RPRD1B: variants seen among roughly 807,000 people sequenced by gnomAD.
The protein encoded by RPRD1B is regulation of nuclear pre-mRNA domain-containing protein 1B.
Under a neutral mutation model 41.5 loss-of-function variants are expected in RPRD1B, and 11 were observed. That is an observed-to-expected ratio of 0.27 (90% CI 0.17 to 0.44). The LOEUF (loss-of-function observed/expected upper bound fraction) is 0.44, where lower values mean the gene tolerates loss of function less well. Ranked by LOEUF, RPRD1B falls within the 20% of genes least tolerant of loss-of-function variation. RPRD1B has a pLI of 1.00. For synonymous variants in RPRD1B, 158 were observed against 155.6 expected, an observed-to-expected ratio of 1.02 and a Z score of -0.12; for missense variants, 248 against 389.9, an observed-to-expected ratio of 0.64 and a Z score of 3.06.
At chr20:38,059,803 T>G (rs1049228316) in intron 5 of RPRD1B, among the ~76,000 whole-genome samples, 3 of 152,136 alleles carry the variant, frequency 2.0e-5, no homozygotes, top group Non-Finnish European at 4.4e-5. Context: ...ACAAATTGTG[T>G]GCGTGTGGGG....
At chr20:38,083,207 TA>T (rs997570464) in intron 6 of RPRD1B, among the ~76,000 whole-genome samples, 14 of 149,592 alleles carry the variant, frequency 9.4e-5, no homozygotes, top group African/African-American at 2.4e-4. Flanking sequence ...TGGTTTACTT[TA>T]AAAAAAAAAC....
chr20:38,065,980 G>A, intron 5 of RPRD1B, 101 bp from the exon 6 acceptor site: 3 of 1,166,204 alleles, frequency 2.6e-6, no homozygotes, highest in Non-Finnish European at 3.7e-6. Context: ...CTCAGACTCT[G>A]TATATTGGGA....
intron 3 of RPRD1B, among the ~76,000 whole-genome samples, chr20:38,053,331 A>AT (rs1186651968): frequency 6.6e-6 from 1 of 152,218 alleles, no homozygotes; most frequent in African/African-American, 2.4e-5. Context: ...ACCAGGCACT[A>AT]TAACTGCTGA....
intron 6 of RPRD1B, among the ~76,000 whole-genome samples, chr20:38,077,463 C>T (rs902604202): frequency 4.6e-5 from 7 of 152,082 alleles, no homozygotes; most frequent in African/African-American, 1.2e-4. Context: ...GACACTAGGC[C>T]TCATCCAGTG....
In RPRD1B at chr20:38,090,586, A is replaced by G. The variant is rs1297441961; in HGVS notation, c.*711A>G. On this transcript the variant is annotated 3_prime_UTR_variant, in exon 7 of 7. Coordinates refer to ENST00000373433, the MANE Select transcript of RPRD1B (RefSeq NM_021215.4). ...AATTAAAAGGAATTTATTTGCTTCA[A>G]GTTCCTAGATACAACCTTCCCATGC... The G allele has an allele frequency of 1.9e-5, 19 of 985,654 alleles. No homozygotes were observed. The highest frequency in any genetic ancestry group is 1.0e-3 in the Middle Eastern group (2 of 1,912). 61.1% of individuals were successfully genotyped at this position (985,654 alleles called of 1,614,324 possible).
At chr20:38,035,153 A>G (rs2073986281) in intron 1 of RPRD1B, among the ~76,000 whole-genome samples, 1 of 152,210 alleles carries the variant, frequency 6.6e-6, no homozygotes, top group Non-Finnish European at 1.5e-5. Context: ...GTAGGCATTC[A>G]GCAGATTATG....
chr20:38,077,294 C>G (rs888387518), intron 6 of RPRD1B, among the ~76,000 whole-genome samples: 1 of 152,140 alleles, frequency 6.6e-6, no homozygotes, highest in Non-Finnish European at 1.5e-5. Context: ...ACCTCTAGAT[C>G]TCTAGGTCAG....
chr20:38,055,469 G>A (rs1247634097), intron 3 of RPRD1B, among the ~76,000 whole-genome samples: 3 of 149,366 alleles, frequency 2.0e-5, no homozygotes, highest in Admixed American at 6.6e-5. Context: ...TTTTGTTAGC[G>A]TCTCTTCCTC....
chr20:38,053,414 G>T (rs1455123743), intron 3 of RPRD1B, among the ~76,000 whole-genome samples: 1 of 152,138 alleles, frequency 6.6e-6, no homozygotes, highest in Admixed American at 6.5e-5. Context: ...CCCTTCAAGC[G>T]GTTTCAAACT....
At chr20:38,060,642 A>C (rs1007954802) in intron 5 of RPRD1B, among the ~76,000 whole-genome samples, 2 of 152,158 alleles carry the variant, frequency 1.3e-5, no homozygotes, top group East Asian at 3.8e-4. Context: ...GAAGCAGCAC[A>C]GGGAAAGACC....
At chr20:38,078,239 G>C (rs1298761764) in intron 6 of RPRD1B, among the ~76,000 whole-genome samples, 1 of 151,154 alleles carries the variant, frequency 6.6e-6, no homozygotes, top group Non-Finnish European at 1.5e-5. Flanking sequence ...CTTGGCCCCT[G>C]CTGACTTCCT....
intron 1 of RPRD1B, among the ~76,000 whole-genome samples, chr20:38,038,485 GTTTTGTTTTTTTTTT>G (rs2074027296): frequency 1.2e-5 from 1 of 83,120 alleles, no homozygotes; most frequent in Non-Finnish European, 2.4e-5. Context: ...GATTTTTTTT[GTTTTGTTTTTTTTTT>G]TTTTTTTTTT....
At chr20:38,062,912 G>A (rs543243152) in intron 5 of RPRD1B, among the ~76,000 whole-genome samples, 2 of 132,084 alleles carry the variant, frequency 1.5e-5, no homozygotes, top group East Asian at 2.3e-4. Flanking sequence ...TTAGCTCATT[G>A]TAACCTCAAA....
At chr20:38,060,778 C>T (rs1422219150) in intron 5 of RPRD1B, among the ~76,000 whole-genome samples, 3 of 152,160 alleles carry the variant, frequency 2.0e-5, no homozygotes, top group African/African-American at 7.2e-5. Flanking sequence ...CCTGCAGTCT[C>T]TTGATTCCTC....
chr20:38,089,170 G>A lies in RPRD1B; in HGVS notation c.832-556G>A, dbSNP rs374855022. 4.7e-4 allele frequency among the ~76,000 whole-genome samples: 71 copies of A among 152,294 alleles called. 1 individual carries two copies. In the South Asian group the frequency reaches 0.012, roughly 25 times the overall value. ...TTTTAGGAGCCCTAGGGGTCAGGAG[G>A]CCTAACCAGGGACTTACTGCAGTGA... On this transcript the variant is annotated intron_variant, in intron 6 of 6. Coordinates refer to ENST00000373433, the MANE Select transcript of RPRD1B (RefSeq NM_021215.4).
chr20:38,062,995 G>A (rs2074315671), intron 5 of RPRD1B, among the ~76,000 whole-genome samples: 1 of 151,896 alleles, frequency 6.6e-6, no homozygotes, highest in African/African-American at 2.4e-5. Flanking sequence ...CCCCCTGCCT[G>A]GCTTTAAAGC....
In RPRD1B at chr20:38,090,367, A is replaced by G. The variant is rs911081796; in HGVS notation, c.*492A>G. On this transcript the variant is annotated 3_prime_UTR_variant, in exon 7 of 7. Coordinates refer to ENST00000373433, the MANE Select transcript of RPRD1B (RefSeq NM_021215.4). The stretch of plus-strand genomic sequence containing the variant: ...GCATCTGCCCCAAAAGGTTGTAGGC[A>G]CAGCTGTCGTAGCGTTGCCATAAAG... 218 of 986,370 alleles carry G rather than the reference A, an allele frequency of 2.2e-4. 1 individual carries two copies. Among genetic ancestry groups the G allele is most frequent in the Admixed American group, 2.4e-4 (4 of 16,328 alleles). 61.1% of individuals were successfully genotyped at this position (986,370 alleles called of 1,614,324 possible).
In RPRD1B at chr20:38,057,609, T is replaced by C. The variant is rs1465879570; in HGVS notation, c.493T>C (p.Tyr165His). Residue 165 changes from tyrosine to histidine, a missense_variant, in exon 4 of 7, where the codon TAC becomes CAC. Transcript: ENST00000373433. ...GGAGGATGACGACTACCCTGGCAGC[T>C]ACTCTCCTCAGGATCCTTCTGCAGG... ...EEEDDDYPGS[Y>H]SPQDPSAGPL... 3.1e-6 allele frequency: 5 copies of C among 1,613,990 alleles called. No individual in the cohort carries two copies. The highest frequency in any genetic ancestry group is 2.2e-5 in the South Asian group (2 of 91,082).
rs2122677563 is a variant in RPRD1B, at chr20:38,033,819, C to A, written c.-129C>A. 3 of 935,676 alleles carry A rather than the reference C, an allele frequency of 3.2e-6. No homozygotes were observed. Among genetic ancestry groups the A allele is most frequent in the Non-Finnish European group, 4.6e-6 (3 of 645,760 alleles). 58.0% of individuals were successfully genotyped at this position (935,676 alleles called of 1,614,324 possible). On this transcript the variant is annotated 5_prime_UTR_variant, in exon 1 of 7. Coordinates refer to ENST00000373433, the MANE Select transcript of RPRD1B (RefSeq NM_021215.4). ...GACCCATCCCCTCCCCCTTCTCGCA[C>A]CCCTGGCAGTCTGTCAGTCGGTAAA...
Sources: gnomAD v4.1 joint callset for allele counts (sites outside exome capture counted in the v4.1 genomes callset) on GRCh38, gnomAD v4.1.1 for gene constraint, MANE v1.5 for transcripts, NCBI Gene and HGNC (gene_info 2026-07-23, HGNC 2026-07-21) for gene names.